MTG2: variants seen among roughly 807,000 people sequenced by gnomAD.
MTG2 encodes mitochondrial ribosome-associated GTPase 2.
Under a neutral mutation model 28.6 loss-of-function variants are expected in MTG2, and 23 were observed. The observed-to-expected ratio is 0.80, with a 90% confidence interval of 0.58 to 1.14. The LOEUF is 1.14. MTG2 is among the 50% of genes most tolerant of loss of function. The pLI is 0.00. For synonymous variants in MTG2, 260 were observed against 251.8 expected (o/e 1.03, Z -0.31); for missense variants, 539 against 552.0 (o/e 0.98, Z 0.24).
In MTG2 at chr20:62,195,869, G is replaced by T. The variant is rs2058047871; in HGVS notation, c.272G>T (p.Cys91Phe). The T allele has an allele frequency of 1.2e-6, 2 of 1,614,236 alleles. No individual in the cohort carries two copies. Among genetic ancestry groups the T allele is most frequent in the Non-Finnish European group, 1.7e-6 (2 of 1,180,044 alleles). ...GGAAACGGAGGCGCTGGGGCAAGCT[G>T]CTTCCACAGTGAGCCCCGCAAGGAG... Reference protein sequence around the residue: ...CGGNGGAGASCFHSEPRKEFG... With the variant: ...CGGNGGAGASFFHSEPRKEFG... Residue 91 changes from cysteine (C) to phenylalanine (F), a missense_variant, in exon 3 of 7, where the codon TGC (cysteine) becomes TTC (phenylalanine). Physicochemically the swap from Cys to Phe is radical, Grantham distance 205 (BLOSUM62 -2). Transcript: ENST00000370823.
intron 3 of MTG2, among the ~76,000 whole-genome samples, chr20:62,196,399 G>T (rs1177527254): frequency 1.3e-5 from 2 of 152,020 alleles, no homozygotes; most frequent in Admixed American, 6.5e-5. Context: ...CCAGCTAGGC[G>T]CAGTGGCTCA....
chr20:62,190,280 T>G (rs1431504045), intron 1 of MTG2, among the ~76,000 whole-genome samples: 2 of 152,216 alleles, frequency 1.3e-5, no homozygotes, highest in East Asian at 3.8e-4. Context: ...GACCTTTCTG[T>G]TGCCTTTCAT....
chr20:62,184,118 G>A (rs1024992418), intron 1 of MTG2, among the ~76,000 whole-genome samples: 8 of 152,234 alleles, frequency 5.3e-5, no homozygotes, highest in African/African-American at 1.9e-4. Context: ...CAGAACTTTG[G>A]GAGGCCAAGG....
chr20:62,185,851 A>G (rs938320847), intron 1 of MTG2, among the ~76,000 whole-genome samples: 7 of 152,172 alleles, frequency 4.6e-5, no homozygotes, highest in African/African-American at 1.7e-4. Flanking sequence ...AAATAAAGAC[A>G]CCAAAGAGCA....
Position 62,201,153 on chromosome 20 carries a change from A to G in MTG2, c.*76A>G, listed in dbSNP as rs2058164085. On this transcript the variant is annotated 3_prime_UTR_variant, in exon 7 of 7. Transcript: ENST00000370823. ...GTGAATTCGGTGGTTTTGAATGCAT[A>G]AAGTGCCTTGTGGACACGGGGGAGT... 1.4e-6 allele frequency: 2 copies of G among 1,458,392 alleles called. No homozygotes were observed. The highest frequency in any genetic ancestry group is 9.0e-7 in the Non-Finnish European group (1 of 1,106,282). 90.3% of individuals were successfully genotyped at this position (1,458,392 alleles called of 1,614,324 possible).
rs1307756397 is a variant in MTG2, at chr20:62,200,926, C to G, written c.1070C>G (p.Ser357Cys). ...CTCCCTGAAGCCCAAGCCAATCTGTCCCAGCTCCGGGATCACTTGGGACAG... is the reference window on the plus strand; with the variant it reads ...CTCCCTGAAGCCCAAGCCAATCTGTGCCAGCTCCGGGATCACTTGGGACAG... ...IDLPEAQANL[S>C]QLRDHLGQEV... The change falls in exon 7 of 7, where the codon TCC becomes TGC. Residue 357 changes from serine (S) to cysteine (C), a missense_variant. Physicochemically the swap from Ser to Cys is moderately radical, Grantham distance 112. Coordinates refer to ENST00000370823, the MANE Select transcript of MTG2 (RefSeq NM_015666.4). The G allele has an allele frequency of 1.2e-6, 2 of 1,614,082 alleles. No individual in the cohort carries two copies. The highest frequency in any genetic ancestry group is 1.7e-6 in the Non-Finnish European group (2 of 1,180,038).
At position 62,200,949 on chromosome 20, in the gene MTG2, CAGG is replaced by C; in HGVS notation, c.1097_1099del (p.Glu366del). 1 of 1,614,036 alleles carries C rather than the reference CAGG, an allele frequency of 6.2e-7. No individual in the cohort carries two copies. Among genetic ancestry groups the C allele is most frequent in the Non-Finnish European group, 8.5e-7 (1 of 1,180,036 alleles). ...GTCCCAGCTCCGGGATCACTTGGGA[CAGG>C]AGGTCATCGTGCTGTCGGCGTTGAC... On this transcript the variant is annotated inframe_deletion, in exon 7 of 7. Transcript: ENST00000370823.
At chr20:62,198,882 CA>C in intron 5 of MTG2, 30 bp downstream of exon 5, 4 of 1,611,986 alleles carry the variant, frequency 2.5e-6, no homozygotes, top group Non-Finnish European at 2.5e-6. Context: ...ACAGCATCTG[CA>C]CACACTCAGC....
chr20:62,193,345 C>G, intron 1 of MTG2, 71 bp from the exon 2 acceptor site: 1 of 1,452,432 alleles, frequency 6.9e-7, no homozygotes, highest in East Asian at 2.3e-5. Context: ...GCATGAGGCC[C>G]TCGTCTTCAG....
At chr20:62,186,370 A>G (rs2057844742) in intron 1 of MTG2, among the ~76,000 whole-genome samples, 1 of 152,182 alleles carries the variant, frequency 6.6e-6, no homozygotes, top group South Asian at 2.1e-4. Flanking sequence ...AATTATTTTC[A>G]GGTACTTTTT....
In MTG2 at chr20:62,201,382, T is replaced by G; in HGVS notation, c.*305T>G. ...GCCCATAACGGGGTGGCCCTGCCGC[T>G]GACTCAGGTCTCCGCCATGCACGCG... On this transcript the variant is annotated 3_prime_UTR_variant, in exon 7 of 7. Coordinates refer to ENST00000370823, the MANE Select transcript of MTG2 (RefSeq NM_015666.4). 1 of 409,298 alleles carries G rather than the reference T, an allele frequency of 2.4e-6. No homozygotes were observed. Among genetic ancestry groups the G allele is most frequent in the Non-Finnish European group, 4.5e-6 (1 of 224,560 alleles). The allele number at this position is 409,298 out of a possible 1,614,324, so 25.4% of individuals were successfully genotyped here.
chr20:62,190,387 T>G (rs2145837527), intron 1 of MTG2, among the ~76,000 whole-genome samples: 1 of 152,338 alleles, frequency 6.6e-6, no homozygotes, highest in East Asian at 1.9e-4. Flanking sequence ...AACAATAGTA[T>G]TTTATATTTA....
intron 2 of MTG2, among the ~76,000 whole-genome samples, chr20:62,194,633 T>TA (rs1242029000): frequency 4.0e-5 from 6 of 149,750 alleles, no homozygotes; most frequent in Non-Finnish European, 8.9e-5. Context: ...TTAAATGTTT[T>TA]AAAATTTTCT....
chr20:62,187,509 T>C (rs768192432), intron 1 of MTG2, among the ~76,000 whole-genome samples: 17 of 152,242 alleles, frequency 1.1e-4, no homozygotes, highest in African/African-American at 3.4e-4. Context: ...ATTTAACTTA[T>C]TGAGTAGATA....
Position 62,203,520 on chromosome 20 carries a change from C to T in MTG2, c.*2443C>T, listed in dbSNP as rs2145877600. ...AACAAATTTTTGTCAGTCTGCTTTTCAAATGGGATATATGATTCACATACC... is the reference window on the plus strand; with the variant it reads ...AACAAATTTTTGTCAGTCTGCTTTTTAAATGGGATATATGATTCACATACC... On this transcript the variant is annotated 3_prime_UTR_variant, in exon 7 of 7. Transcript: ENST00000370823. The T allele has an allele frequency of 6.6e-6, 1 of 152,330 alleles. No homozygotes were observed. The highest frequency in any genetic ancestry group is 1.9e-4 in the East Asian group (1 of 5,190). The allele number at this position is 152,330 out of a possible 1,614,324, so 9.4% of individuals were successfully genotyped here.
intron 1 of MTG2, among the ~76,000 whole-genome samples, chr20:62,192,052 C>T (rs1325038168): frequency 6.6e-6 from 1 of 152,236 alleles, no homozygotes; most frequent in Non-Finnish European, 1.5e-5. Flanking sequence ...TCCACACCAA[C>T]AATTCGCCAG....
Position 62,200,702 on chromosome 20 carries a change from C to T in MTG2, c.846C>T (p.Ile282=), listed in dbSNP as rs1568793083. The T allele has an allele frequency of 1.9e-6, 3 of 1,610,654 alleles. No homozygotes were observed. Among genetic ancestry groups the T allele is most frequent in the East Asian group, 2.2e-5 (1 of 44,838 alleles). The change falls in exon 7 of 7, where the codon ATC becomes ATT. Residue 282 remains isoleucine (I), a synonymous_variant. Coordinates refer to ENST00000370823, the MANE Select transcript of MTG2 (RefSeq NM_015666.4). The part of the protein sequence containing the change: ...LQIAVADIPG[I]IRGAHQNRGL... ...CTGCAGTGGCCGACATCCCCGGCAT[C>T]ATACGAGGCGCCCACCAGAACAGGG...
In MTG2 at chr20:62,200,717, C is replaced by T; in HGVS notation, c.861C>T (p.His287=). The change falls in exon 7 of 7, where the codon CAC becomes CAT. Residue 287 remains histidine, a synonymous_variant. Coordinates refer to ENST00000370823, the MANE Select transcript of MTG2 (RefSeq NM_015666.4). ...TCCCCGGCATCATACGAGGCGCCCA[C>T]CAGAACAGGGGTCTGGGGTCCGCCT... is the stretch of plus-strand genomic sequence containing the variant. The part of the protein sequence containing the change: ...ADIPGIIRGA[H]QNRGLGSAFL... The T allele has an allele frequency of 6.2e-7, 1 of 1,612,764 alleles. No individual in the cohort carries two copies. Among genetic ancestry groups the T allele is most frequent in the African/African-American group, 1.3e-5 (1 of 75,028 alleles).
chr20:62,189,664 C>CTT (rs34528319), intron 1 of MTG2, among the ~76,000 whole-genome samples: 19,755 of 113,498 alleles, frequency 0.17, 1,895 homozygotes, highest in South Asian at 0.28. Flanking sequence ...TAAACATTAA[C>CTT]TTTTTTTTTT....
Sources: gnomAD v4.1 joint callset for allele counts (sites outside exome capture counted in the v4.1 genomes callset) on GRCh38, gnomAD v4.1.1 for gene constraint, MANE v1.5 for transcripts, NCBI Gene and HGNC (gene_info 2026-07-23, HGNC 2026-07-21) for gene names.